The following PRKG1 variants were observed in gnomAD, a reference collection of about 807,000 sequenced individuals.
The protein encoded by PRKG1 is protein kinase cGMP-dependent 1.
PRKG1 carries 35 observed loss-of-function variants against 88.1 expected under a neutral mutation model. That is an observed-to-expected ratio of 0.40 (90% CI 0.30 to 0.53). PRKG1 has a LOEUF of 0.53. Among genes scored for constraint, PRKG1 ranks in the 20% least tolerant of loss-of-function variants. The pLI is 0.59. For synonymous variants in PRKG1, 303 were observed against 292.5 expected, an observed-to-expected ratio of 1.04 and a Z score of -0.37; for missense variants, 540 against 839.8, an observed-to-expected ratio of 0.64 and a Z score of 4.41.
chr10:51,253,662 A>G (rs1839481800), intron 2 of PRKG1, among the ~76,000 whole-genome samples: 1 of 152,006 alleles, frequency 6.6e-6, no homozygotes, highest in Admixed American at 6.6e-5. Context: ...GCTGTATTGT[A>G]CTTCATGTTC....
chr10:51,768,107 TCA>T (rs1314975610), intron 3 of PRKG1, among the ~76,000 whole-genome samples: 3 of 152,192 alleles, frequency 2.0e-5, no homozygotes, highest in Non-Finnish European at 4.4e-5. Flanking sequence ...TTACATAATT[TCA>T]CAGAGTATAA....
chr10:52,233,363 C>T (rs569363650), intron 9 of PRKG1, among the ~76,000 whole-genome samples: 6 of 150,566 alleles, frequency 4.0e-5, no homozygotes, highest in East Asian at 3.9e-4. Context: ...GCGTGAGCGA[C>T]GCAGAAGACG....
chr10:52,115,697 A>G (rs991731261), intron 7 of PRKG1, among the ~76,000 whole-genome samples: 4 of 152,114 alleles, frequency 2.6e-5, no homozygotes, highest in Non-Finnish European at 4.4e-5. Context: ...ATCACGCTGC[A>G]TTATAATTGT....
At chr10:51,432,372 A>G (rs1262678703) in intron 2 of PRKG1, among the ~76,000 whole-genome samples, 1 of 152,156 alleles carries the variant, frequency 6.6e-6, no homozygotes, top group Non-Finnish European at 1.5e-5. Flanking sequence ...ATTTTTAGAC[A>G]AGGGCATAAA....
chr10:51,983,794 C>T (rs914452374), intron 5 of PRKG1, among the ~76,000 whole-genome samples: 4 of 152,160 alleles, frequency 2.6e-5, no homozygotes, highest in Non-Finnish European at 5.9e-5. Flanking sequence ...AAGCCCATGG[C>T]GAGAAGAGCT....
intron 5 of PRKG1, among the ~76,000 whole-genome samples, chr10:51,946,434 T>G (rs1007200298): frequency 6.6e-6 from 1 of 152,114 alleles, no homozygotes; most frequent in Non-Finnish European, 1.5e-5. Context: ...AGTAGTTTGA[T>G]CGCCTGAAGC....
intron 3 of PRKG1, among the ~76,000 whole-genome samples, chr10:51,685,222 T>A (rs1399774813): frequency 3.9e-5 from 6 of 152,186 alleles, no homozygotes; most frequent in Non-Finnish European, 5.9e-5. Context: ...CAGTAAGGGC[T>A]TGGAAGTCAG....
chr10:51,806,902 G>A (rs543871067), intron 4 of PRKG1, among the ~76,000 whole-genome samples: 9 of 151,976 alleles, frequency 5.9e-5, no homozygotes, highest in South Asian at 4.2e-4. Flanking sequence ...CCTCTCCTCC[G>A]TCACTGTCAA....
At chr10:51,643,643 C>T (rs1488047490) in intron 3 of PRKG1, among the ~76,000 whole-genome samples, 3 of 152,070 alleles carry the variant, frequency 2.0e-5, no homozygotes, top group Non-Finnish European at 4.4e-5. Flanking sequence ...CTGCTGAGTG[C>T]TTGGATTAAT....
At chr10:51,981,108 T>C (rs912266710) in intron 5 of PRKG1, among the ~76,000 whole-genome samples, 1 of 152,146 alleles carries the variant, frequency 6.6e-6, no homozygotes, top group African/African-American at 2.4e-5. Flanking sequence ...GTGTGTGTGT[T>C]TTTTAGTGGC....
chr10:51,207,037 G>T (rs547284795), intron 2 of PRKG1, among the ~76,000 whole-genome samples: 1 of 151,920 alleles, frequency 6.6e-6, no homozygotes, highest in South Asian at 2.1e-4. Flanking sequence ...GCTATTTCTT[G>T]GTACATTTTA....
At chr10:51,640,769 C>G (rs1275977589) in intron 3 of PRKG1, among the ~76,000 whole-genome samples, 2 of 152,116 alleles carry the variant, frequency 1.3e-5, no homozygotes, top group African/African-American at 4.8e-5. Flanking sequence ...CTCTATGTAG[C>G]TTTTAAACTA....
intron 9 of PRKG1, among the ~76,000 whole-genome samples, chr10:52,192,444 C>T (rs1564510848): frequency 1.3e-5 from 2 of 152,022 alleles, no homozygotes; most frequent in Non-Finnish European, 2.9e-5. Context: ...ATTTAACTCA[C>T]AGTATGCTCT....
intron 5 of PRKG1, among the ~76,000 whole-genome samples, chr10:51,938,471 C>T (rs74132824): frequency 0.084 from 12,732 of 151,886 alleles, 1,451 homozygotes; most frequent in African/African-American, 0.26. Context: ...TGGTTTAGAG[C>T]AAGGTGGAAA....
intron 7 of PRKG1, among the ~76,000 whole-genome samples, chr10:52,126,404 G>A (rs1006598451): frequency 6.6e-6 from 1 of 152,146 alleles, no homozygotes; most frequent in Non-Finnish European, 1.5e-5. Flanking sequence ...TAAAGGGTTT[G>A]TAAGGCTATT....
intron 7 of PRKG1, among the ~76,000 whole-genome samples, chr10:52,063,786 T>A (rs1564453224): frequency 6.6e-6 from 1 of 151,910 alleles, no homozygotes; most frequent in Admixed American, 6.6e-5. Flanking sequence ...AGTGTTCAGT[T>A]GTCAACAGAG....
chr10:51,571,838 T>C (rs1837762096), intron 3 of PRKG1, among the ~76,000 whole-genome samples: 1 of 151,870 alleles, frequency 6.6e-6, no homozygotes, highest in Non-Finnish European at 1.5e-5. Flanking sequence ...AGATATATTA[T>C]TGTGGAGAAT....
intron 6 of PRKG1, among the ~76,000 whole-genome samples, chr10:52,056,147 A>C (rs1210942915): frequency 6.6e-6 from 1 of 152,192 alleles, no homozygotes; most frequent in Non-Finnish European, 1.5e-5. Context: ...ATTATATCTT[A>C]TATTTTCCAA....
At chr10:51,072,984 G>T (rs960004182), upstream of PRKG1, among the ~76,000 whole-genome samples, 20 of 152,250 alleles carry the variant, frequency 1.3e-4, no homozygotes, top group African/African-American at 4.3e-4. Context: ...TTAGTGTTAA[G>T]GAATAACCAA....
Sources: gnomAD v4.1 joint callset for allele counts (sites outside exome capture counted in the v4.1 genomes callset) on GRCh38, gnomAD v4.1.1 for gene constraint, MANE v1.5 for transcripts, NCBI Gene and HGNC (gene_info 2026-07-23, HGNC 2026-07-21) for gene names.